GRID1: variants seen among roughly 807,000 people sequenced by gnomAD.
GRID1 encodes the protein glutamate ionotropic receptor delta type subunit 1, also known as glutamate receptor ionotropic, delta-1.
A neutral mutation model predicts 98.0 loss-of-function variants in GRID1; 28 were observed. That is an observed-to-expected ratio of 0.29 (90% confidence interval 0.21 to 0.39). The LOEUF (loss-of-function observed/expected upper bound fraction) is 0.39, where lower values mean the gene tolerates loss of function less well. Ranked by LOEUF, GRID1 falls within the 10% of genes least tolerant of loss-of-function variation. The pLI, the probability that GRID1 is intolerant of heterozygous loss-of-function variation, is 1.00. For missense variants in GRID1, 1,111 were observed against 1,340.5 expected (o/e 0.83, Z 2.67); for synonymous variants, 553 against 538.5 (o/e 1.03, Z -0.37).
At position 85,883,323 on chromosome 10, in the gene GRID1, G is replaced by A. The variant is rs186427873; in HGVS notation, c.781-14143C>T. On this transcript the variant is annotated intron_variant, in intron 5 of 15. Transcript: ENST00000327946. The stretch of plus-strand genomic sequence containing the variant: ...TTTTATTCCTTGCTCATATTTTCCA[G>A]TATCTATTTTTGAAACATATTTAAG... 2.9e-3 allele frequency among the ~76,000 whole-genome samples: 434 copies of A among 152,064 alleles called. 1 individual carries two copies. Among genetic ancestry groups the A allele is most frequent in the Non-Finnish European group, 4.4e-3 (301 of 67,992 alleles).
chr10:85,716,088 C>T (rs1189824767), intron 12 of GRID1, among the ~76,000 whole-genome samples: 3 of 152,062 alleles, frequency 2.0e-5, no homozygotes, highest in African/African-American at 4.8e-5. Flanking sequence ...TGTATTTTTA[C>T]TAGAGACTGG....
intron 8 of GRID1, among the ~76,000 whole-genome samples, chr10:85,814,515 A>G (rs769252825): frequency 2.6e-5 from 4 of 152,020 alleles, no homozygotes; most frequent in African/African-American, 9.6e-5. Flanking sequence ...AGTGTCTTTG[A>G]AAAGATGAGT....
chr10:85,632,079 G>A (rs1272561202), intron 13 of GRID1, among the ~76,000 whole-genome samples: 1 of 151,948 alleles, frequency 6.6e-6, no homozygotes, highest in Non-Finnish European at 1.5e-5. Context: ...GCATAGAGTT[G>A]GTGCTAAGTA....
chr10:85,923,265 G>C (rs1297409324), intron 4 of GRID1, among the ~76,000 whole-genome samples: 1 of 152,156 alleles, frequency 6.6e-6, no homozygotes, highest in Non-Finnish European at 1.5e-5. Flanking sequence ...GAACATGGGG[G>C]AGTGCATGGG....
intron 6 of GRID1, among the ~76,000 whole-genome samples, chr10:85,859,998 G>A (rs948572991): frequency 6.6e-6 from 1 of 152,168 alleles, no homozygotes; most frequent in Non-Finnish European, 1.5e-5. Context: ...GGATATCAGT[G>A]TCAGGGTTGG....
At chr10:86,325,538 T>C (rs537048737) in intron 2 of GRID1, among the ~76,000 whole-genome samples, 1 of 152,296 alleles carries the variant, frequency 6.6e-6, no homozygotes, top group South Asian at 2.1e-4. Flanking sequence ...CAAAAATTCA[T>C]TGTGCATTAA....
intron 5 of GRID1, among the ~76,000 whole-genome samples, chr10:85,870,558 A>G (rs1324825350): frequency 6.6e-6 from 1 of 152,232 alleles, no homozygotes; most frequent in Non-Finnish European, 1.5e-5. Context: ...GTTTCTGGCT[A>G]ACAAGTTCTG....
chr10:85,851,546 G>C (rs1015226303), intron 8 of GRID1, among the ~76,000 whole-genome samples: 1 of 152,040 alleles, frequency 6.6e-6, no homozygotes, highest in African/African-American at 2.4e-5. Flanking sequence ...AAAATGTCTG[G>C]GTGACTCACC....
chr10:86,210,141 T>C (rs1846087303), intron 2 of GRID1, among the ~76,000 whole-genome samples: 1 of 152,066 alleles, frequency 6.6e-6, no homozygotes, highest in South Asian at 2.1e-4. Context: ...GGTAAATTCA[T>C]TTGTGGTTGG....
intron 4 of GRID1, among the ~76,000 whole-genome samples, chr10:85,940,066 CAA>C (rs34122685): frequency 0.032 from 3,169 of 99,234 alleles, 79 homozygotes; most frequent in African/African-American, 0.087. Flanking sequence ...GACTCCCTCT[CAA>C]AAAAAAAAAA....
chr10:86,033,978 T>C (rs1042867334), intron 4 of GRID1, among the ~76,000 whole-genome samples: 3 of 152,212 alleles, frequency 2.0e-5, no homozygotes, highest in African/African-American at 7.2e-5. Flanking sequence ...GTGTCTACAC[T>C]TGGATTCATT....
At position 86,319,748 on chromosome 10, in the gene GRID1, G is replaced by A. The variant is rs1896524; in HGVS notation, c.235+44193C>T. Among the ~76,000 whole-genome samples the A allele has an allele frequency of 9.3e-3, 1,415 of 152,346 alleles. 28 individuals are homozygous for A. Among genetic ancestry groups the A allele is most frequent in the African/African-American group, 0.031 (1,298 of 41,572 alleles). Reference sequence around the variant, plus strand: ...GAAGTTGCTGACGAGGACAGGGAGCGTGGTGAAAGCACTGCTGATGGCTTT... The same window carrying A: ...GAAGTTGCTGACGAGGACAGGGAGCATGGTGAAAGCACTGCTGATGGCTTT... On this transcript the variant is annotated intron_variant, in intron 2 of 15. Coordinates refer to ENST00000327946, the MANE Select transcript of GRID1 (RefSeq NM_017551.3).
At chr10:86,112,703 A>C (rs1453888000) in intron 4 of GRID1, among the ~76,000 whole-genome samples, 1 of 152,164 alleles carries the variant, frequency 6.6e-6, no homozygotes, top group African/African-American at 2.4e-5. Flanking sequence ...CCTTCTCCAC[A>C]ACACAAAAGT....
intron 13 of GRID1, among the ~76,000 whole-genome samples, chr10:85,631,321 C>A (rs1842973277): frequency 6.6e-6 from 1 of 152,216 alleles, no homozygotes; most frequent in African/African-American, 2.4e-5. Flanking sequence ...AGCCCCCTGA[C>A]CATCCTGTCC....
intron 4 of GRID1, among the ~76,000 whole-genome samples, chr10:85,996,479 G>A (rs781340392): frequency 2.6e-5 from 4 of 152,248 alleles, no homozygotes; most frequent in African/African-American, 4.8e-5. Flanking sequence ...AATGAAGAAC[G>A]ATGATGACAG....
rs535005634 is a variant in GRID1 at position 85,685,126 on chromosome 10, T to C, written c.1998-37729A>G. 3.9e-5 allele frequency among the ~76,000 whole-genome samples: 6 copies of C among 152,308 alleles called. No homozygotes were observed. The East Asian group carries it at 1.2e-3, about 29-fold the overall frequency. ...TAAAAGGGGGATAAAATGCTAAAGA[T>C]TGTAACAAGATCATGATTTTCGCAA... On this transcript the variant is annotated intron_variant, in intron 12 of 15. Coordinates refer to ENST00000327946, the MANE Select transcript of GRID1 (RefSeq NM_017551.3).
At chr10:86,329,076 G>A (rs79886217) in intron 2 of GRID1, among the ~76,000 whole-genome samples, 2,672 of 152,324 alleles carry the variant, frequency 0.018, 52 homozygotes, top group African/African-American at 0.046. Context: ...GCAAAGCCCT[G>A]GCTCAGAGAA....
At chr10:85,726,530 C>T (rs950304308) in intron 10 of GRID1, among the ~76,000 whole-genome samples, 4 of 152,112 alleles carry the variant, frequency 2.6e-5, no homozygotes, top group African/African-American at 9.7e-5. Flanking sequence ...AAATTAAGAA[C>T]AGAGGGAGTC....
At chr10:85,845,986 C>T (rs904866427) in intron 8 of GRID1, among the ~76,000 whole-genome samples, 4 of 151,996 alleles carry the variant, frequency 2.6e-5, no homozygotes, top group African/African-American at 9.7e-5. Context: ...AAGGGGTGCA[C>T]AGGGGAGAGC....
Sources: gnomAD v4.1 joint callset for allele counts (sites outside exome capture counted in the v4.1 genomes callset) on GRCh38, gnomAD v4.1.1 for gene constraint, MANE v1.5 for transcripts, NCBI Gene and HGNC (gene_info 2026-07-23, HGNC 2026-07-21) for gene names.